Variants in NPAS2 observed in about 807,000 individuals in gnomAD.
The protein encoded by NPAS2 is neuronal PAS domain-containing protein 2.
NPAS2 carries 23 observed loss-of-function variants against 107.5 expected under a neutral mutation model. The ratio of observed to expected loss-of-function variants is 0.21; its 90% CI spans 0.15 to 0.30. NPAS2 has a LOEUF of 0.30. NPAS2 is among the 10% of genes least tolerant of loss of function. The probability of loss-of-function intolerance (pLI) is 1.00; values close to 1 mark genes in which losing one functional copy is unlikely to be tolerated. For synonymous variants in NPAS2, 403 were observed against 417.5 expected, an observed-to-expected ratio of 0.97 and a Z score of 0.42; for missense variants, 756 against 1,043.3, an observed-to-expected ratio of 0.72 and a Z score of 3.79.
intron 7 of NPAS2, among the ~76,000 whole-genome samples, chr2:100,950,766 C>T (rs543032376): frequency 3.3e-5 from 5 of 152,222 alleles, no homozygotes; most frequent in Non-Finnish European, 7.4e-5. Context: ...TTAAGATGGT[C>T]GGAAGTGGTG....
intron 1 of NPAS2, among the ~76,000 whole-genome samples, chr2:100,824,700 T>C (rs1036232103): frequency 6.6e-6 from 1 of 152,214 alleles, no homozygotes; most frequent in Admixed American, 6.5e-5. Context: ...CACCCTGATA[T>C]TAGGAGGGGT....
intron 1 of NPAS2, among the ~76,000 whole-genome samples, chr2:100,851,002 C>G (rs1309666382): frequency 1.4e-5 from 2 of 142,098 alleles, no homozygotes; most frequent in Non-Finnish European, 3.0e-5. Flanking sequence ...CTGACCCATG[C>G]TACCACATGG....
chr2:100,846,097 G>A (rs1182824664), intron 1 of NPAS2, among the ~76,000 whole-genome samples: 1 of 152,180 alleles, frequency 6.6e-6, no homozygotes, highest in Non-Finnish European at 1.5e-5. Context: ...CGGTGCCCAC[G>A]ATTTCAGCAC....
At chr2:100,954,822 T>C (rs1034517737) in intron 7 of NPAS2, among the ~76,000 whole-genome samples, 1 of 151,886 alleles carries the variant, frequency 6.6e-6, no homozygotes, top group Non-Finnish European at 1.5e-5. Context: ...ATAGGTAATA[T>C]GTGTAGAAGA....
chr2:100,930,703 C>T (rs1244835839), intron 3 of NPAS2, among the ~76,000 whole-genome samples: 1 of 152,110 alleles, frequency 6.6e-6, no homozygotes, highest in Non-Finnish European at 1.5e-5. Context: ...AATGAGATGG[C>T]TGCTTTCAGT....
At chr2:100,927,198 T>C (rs1450181027) in intron 3 of NPAS2, among the ~76,000 whole-genome samples, 2 of 152,170 alleles carry the variant, frequency 1.3e-5, no homozygotes, top group Non-Finnish European at 2.9e-5. Flanking sequence ...CCTCCCAAAG[T>C]GCTGGGATTG....
In NPAS2 at chr2:100,861,791, A is replaced by G. The variant is rs555223138; in HGVS notation, c.-23+41377A>G. On this transcript the variant is annotated intron_variant, in intron 1 of 20. Transcript: ENST00000335681. The stretch of plus-strand genomic sequence containing the variant: ...CAGATGCTTGGCATTTTCACAACAG[A>G]TATGAAAGCCTTTGGGCATGTTTTC... Among the ~76,000 whole-genome samples, 78 of 152,254 alleles carry G rather than the reference A, an allele frequency of 5.1e-4. 2 individuals carry two copies. In the South Asian group the frequency reaches 0.015, roughly 29 times the overall value.
intron 7 of NPAS2, among the ~76,000 whole-genome samples, chr2:100,954,224 G>C (rs541792796): frequency 6.6e-6 from 1 of 152,340 alleles, no homozygotes; most frequent in Admixed American, 6.5e-5. Context: ...GACCTGGTTG[G>C]GGTGTGAGCT....
chr2:100,949,810 T>A (rs1404896314), intron 7 of NPAS2, among the ~76,000 whole-genome samples: 1 of 152,208 alleles, frequency 6.6e-6, no homozygotes, highest in Non-Finnish European at 1.5e-5. Flanking sequence ...AAACAGGCCT[T>A]CGTGGTGACT....
At chr2:100,946,834 G>C (rs1242215035) in intron 5 of NPAS2, among the ~76,000 whole-genome samples, 1 of 152,120 alleles carries the variant, frequency 6.6e-6, no homozygotes, top group Non-Finnish European at 1.5e-5. Context: ...AGAAAAATGG[G>C]CAGTACTATG....
At chr2:100,846,003 G>T (rs936988022) in intron 1 of NPAS2, among the ~76,000 whole-genome samples, 2 of 152,186 alleles carry the variant, frequency 1.3e-5, no homozygotes, top group Admixed American at 1.3e-4. Context: ...GTTCAATGCT[G>T]TGGCTTCCCC....
At chr2:100,980,033 C>A (rs895823449) in intron 15 of NPAS2, among the ~76,000 whole-genome samples, 2 of 152,020 alleles carry the variant, frequency 1.3e-5, no homozygotes, top group Admixed American at 6.5e-5. Context: ...GGTGGTTTTC[C>A]AAAAAAGCCT....
At chr2:100,935,418 A>T (rs1252122628) in intron 4 of NPAS2, among the ~76,000 whole-genome samples, 1 of 152,112 alleles carries the variant, frequency 6.6e-6, no homozygotes, top group East Asian at 1.9e-4. Context: ...AGTCAAAATC[A>T]CCATTCCATG....
At chr2:100,939,291 CCCTAA>C (rs1194706077) in intron 5 of NPAS2, among the ~76,000 whole-genome samples, 1 of 152,158 alleles carries the variant, frequency 6.6e-6, no homozygotes, top group African/African-American at 2.4e-5. Flanking sequence ...TCCCAGTAGG[CCCTAA>C]TCTAACCTAA....
At chr2:100,929,483 G>A (rs1683804693) in intron 3 of NPAS2, among the ~76,000 whole-genome samples, 1 of 152,150 alleles carries the variant, frequency 6.6e-6, no homozygotes. Flanking sequence ...CACCTGAAGA[G>A]CTTTTGAAAA....
At chr2:100,992,931 T>G (rs898926392) in intron 19 of NPAS2, among the ~76,000 whole-genome samples, 1 of 136,272 alleles carries the variant, frequency 7.3e-6, no homozygotes, top group East Asian at 2.0e-4. Flanking sequence ...CAAAAGTTTC[T>G]TTTTTTTTTT....
intron 1 of NPAS2, among the ~76,000 whole-genome samples, chr2:100,897,058 G>A (rs957583391): frequency 6.6e-6 from 1 of 152,138 alleles, no homozygotes; most frequent in Non-Finnish European, 1.5e-5. Flanking sequence ...TTCACATGAT[G>A]GCAGGAAGGA....
At chr2:100,830,665 G>T (rs1325871261) in intron 1 of NPAS2, among the ~76,000 whole-genome samples, 2 of 152,168 alleles carry the variant, frequency 1.3e-5, no homozygotes, top group Non-Finnish European at 2.9e-5. Flanking sequence ...ACATGGGCTG[G>T]AGTCCTTTTG....
chr2:100,923,328 G>A (rs356653), intron 2 of NPAS2, among the ~76,000 whole-genome samples: 54,710 of 151,960 alleles, frequency 0.36, 10,652 homozygotes, highest in Admixed American at 0.51. Flanking sequence ...TTGCCCAAAT[G>A]TTATCAGGAA....
Sources: gnomAD v4.1 joint callset for allele counts (sites outside exome capture counted in the v4.1 genomes callset) on GRCh38, gnomAD v4.1.1 for gene constraint, MANE v1.5 for transcripts, NCBI Gene and HGNC (gene_info 2026-07-23, HGNC 2026-07-21) for gene names.